The following SAMD3 variants were observed in gnomAD, a reference collection of about 807,000 sequenced individuals.
SAMD3 encodes the protein sterile alpha motif domain containing 3, also known as sterile alpha motif domain-containing protein 3.
Under a neutral mutation model 58.5 loss-of-function variants are expected in SAMD3, and 63 were observed. The observed-to-expected ratio is 1.08, with a 90% CI of 0.88 to 1.33. The LOEUF (loss-of-function observed/expected upper bound fraction) is 1.33. Ranked by LOEUF, SAMD3 falls within the 40% of genes most tolerant of loss-of-function variation. The probability of loss-of-function intolerance (pLI) is 0.00; values close to 1 mark genes in which losing one functional copy is unlikely to be tolerated. For synonymous variants in SAMD3, 220 were observed against 210.3 expected (o/e 1.05, Z -0.40); for missense variants, 604 against 608.4 (o/e 0.99, Z 0.08).
rs372915072 is a variant in SAMD3 at position 130,144,679 on chromosome 6, C to G, written c.1404G>C (p.Ala468=). The G allele has an allele frequency of 5.0e-6, 8 of 1,614,118 alleles. No individual in the cohort carries two copies. The highest frequency in any genetic ancestry group is 5.9e-6 in the Non-Finnish European group (7 of 1,179,998). ...TAAATACATGAAAGGCAGCTACTAG[C>G]GCAGCCAAGGCTGTAACACAGTCGT... ...KVDDCVTALA[A]LVAAFHVFRI... is the part of the protein sequence containing the mutation. Residue 468 remains alanine (A), a synonymous_variant, in exon 12 of 12, where the codon GCG becomes GCC. Transcript: ENST00000439090.
intron 2 of SAMD3, among the ~76,000 whole-genome samples, chr6:130,280,919 G>A (rs1177543668): frequency 1.3e-5 from 2 of 151,990 alleles, no homozygotes; most frequent in Admixed American, 1.3e-4. Context: ...TACCCTCAGG[G>A]GATACATTCC....
chr6:130,276,700 G>A (rs1267108049), intron 2 of SAMD3, among the ~76,000 whole-genome samples: 1 of 151,846 alleles, frequency 6.6e-6, no homozygotes, highest in Non-Finnish European at 1.5e-5. Context: ...CCAATTCACT[G>A]AGACTGCAGG....
Position 130,352,620 on chromosome 6 carries a change from G to C in SAMD3, c.-304+12500C>G, listed in dbSNP as rs148953092. Among the ~76,000 whole-genome samples the C allele has an allele frequency of 1.3e-3, 205 of 152,284 alleles. 1 individual carries two copies. Among genetic ancestry groups the C allele is most frequent in the African/African-American group, 4.7e-3 (197 of 41,560 alleles). On this transcript the variant is annotated intron_variant, in intron 1 of 13. Coordinates refer to the SAMD3 transcript ENST00000368134. ...TGCACTTAGAGTGAAGATTATTGAA[G>C]AATATGAAAATTTCACTTTCCTAGA...
intron 1 of SAMD3, among the ~76,000 whole-genome samples, chr6:130,362,829 T>A (rs1046465054): frequency 2.6e-5 from 4 of 152,188 alleles, no homozygotes; most frequent in African/African-American, 7.2e-5. Flanking sequence ...ATTAGCAACA[T>A]CTTTCTGCTG....
chr6:130,226,953 G>T (rs144902949), upstream of SAMD3, among the ~76,000 whole-genome samples: 2 of 152,108 alleles, frequency 1.3e-5, no homozygotes, highest in Non-Finnish European at 2.9e-5. Flanking sequence ...TAAATAAATT[G>T]TGCAAAAATA....
chr6:130,277,195 C>T (rs12193542), intron 2 of SAMD3, among the ~76,000 whole-genome samples: 47,292 of 152,076 alleles, frequency 0.31, 7,723 homozygotes, highest in East Asian at 0.47. Flanking sequence ...AGGCCTCTAC[C>T]ATAATCCTTA....
At chr6:130,273,075 A>G (rs1001965735) in intron 2 of SAMD3, among the ~76,000 whole-genome samples, 8 of 150,324 alleles carry the variant, frequency 5.3e-5, no homozygotes, top group African/African-American at 2.0e-4. Context: ...CTTTTTTTTT[A>G]ATTTTATTTC....
chr6:130,150,262 C>CA (rs1303051478), intron 9 of SAMD3, among the ~76,000 whole-genome samples: 1 of 152,158 alleles, frequency 6.6e-6, no homozygotes, highest in African/African-American at 2.4e-5. Flanking sequence ...GTTGAAGACT[C>CA]AGTTACAGCA....
chr6:130,183,569 G>T (rs1265853700), intron 7 of SAMD3: 3 of 371,216 alleles, frequency 8.1e-6, no homozygotes, highest in Admixed American at 3.7e-5. Flanking sequence ...ATCTCCTAAA[G>T]ACCCTTCCTA....
intron 8 of SAMD3, among the ~76,000 whole-genome samples, chr6:130,165,368 A>G (rs117674408): frequency 0.014 from 2,126 of 152,314 alleles, 27 homozygotes; most frequent in Middle Eastern, 0.068. Flanking sequence ...ACTCCATTGC[A>G]GTTAGAAAAC....
At chr6:130,154,586 C>T (rs1385677413) in intron 9 of SAMD3, among the ~76,000 whole-genome samples, 1 of 150,986 alleles carries the variant, frequency 6.6e-6, no homozygotes, top group Non-Finnish European at 1.5e-5. Flanking sequence ...CCCAGCTACT[C>T]AGGAGGCTGA....
chr6:130,224,094 G>A (rs1277236760), upstream of SAMD3, among the ~76,000 whole-genome samples: 1 of 151,950 alleles, frequency 6.6e-6, no homozygotes, highest in Non-Finnish European at 1.5e-5. Context: ...CTGGAGTCAG[G>A]CCGCTCAGTG....
chr6:130,259,639 G>T (rs1351935274), intron 2 of SAMD3, among the ~76,000 whole-genome samples: 2 of 152,126 alleles, frequency 1.3e-5, no homozygotes, highest in Non-Finnish European at 2.9e-5. Flanking sequence ...CTCAGTACCC[G>T]ATTTAGAGGA....
rs1357687278 is a variant in SAMD3, at chr6:130,182,978, T to C, written c.654+1125A>G. The C allele has an allele frequency of 1.6e-5, 3 of 185,840 alleles. No individual in the cohort carries two copies. The Admixed American group carries it at 1.7e-4, about 10-fold the overall frequency. 11.5% of individuals were successfully genotyped at this position (185,840 alleles called of 1,614,324 possible). A position where few individuals can be genotyped will look rare whatever the true frequency, so the allele number is the denominator to read the frequency against. Reference sequence around the variant, plus strand: ...GTAATTGTTCCTTAACTCATAAAGTTACAGCATCATAAACACTCAGTTTTT... The same window carrying C: ...GTAATTGTTCCTTAACTCATAAAGTCACAGCATCATAAACACTCAGTTTTT... On this transcript the variant is annotated intron_variant, in intron 7 of 11. Transcript: ENST00000439090.
At chr6:130,312,045 A>G (rs1289296267) in intron 2 of SAMD3, among the ~76,000 whole-genome samples, 1 of 152,184 alleles carries the variant, frequency 6.6e-6, no homozygotes, top group Non-Finnish European at 1.5e-5. Context: ...GAGAAACAGT[A>G]TGAGAAAGAG....
chr6:130,281,008 C>T (rs1305154131), intron 2 of SAMD3, among the ~76,000 whole-genome samples: 2 of 152,160 alleles, frequency 1.3e-5, no homozygotes, highest in African/African-American at 4.8e-5. Context: ...CACATATGTG[C>T]CTATAATAAA....
At chr6:130,160,831 G>T (rs115876350) in intron 8 of SAMD3, 3 of 152,002 alleles carry the variant, frequency 2.0e-5, no homozygotes, top group Admixed American at 6.6e-5. Flanking sequence ...AATGTGGAAG[G>T]TGGTGAAAAG....
intron 7 of SAMD3, among the ~76,000 whole-genome samples, chr6:130,176,813 T>C (rs1791771377): frequency 6.6e-6 from 1 of 152,006 alleles, no homozygotes; most frequent in African/African-American, 2.4e-5. Context: ...TGCAATGGAA[T>C]AGAGGGAGAG....
intron 8 of SAMD3, chr6:130,160,064 A>T (rs1790155183): frequency 6.6e-6 from 1 of 152,130 alleles, no homozygotes; most frequent in Non-Finnish European, 1.5e-5. Flanking sequence ...ATAATTTGGC[A>T]CTGTCTTACA....
Sources: gnomAD v4.1 joint callset for allele counts (sites outside exome capture counted in the v4.1 genomes callset) on GRCh38, gnomAD v4.1.1 for gene constraint, MANE v1.5 for transcripts, NCBI Gene and HGNC (gene_info 2026-07-23, HGNC 2026-07-21) for gene names.